Variants in RBFOX1 observed in about 807,000 individuals in gnomAD.
RBFOX1 encodes RNA binding fox-1 homolog 1, also known as RNA binding protein fox-1 homolog 1.
RBFOX1 carries 8 observed loss-of-function variants against 57.7 expected under a neutral mutation model. The observed-to-expected ratio is 0.14, with a 90% CI of 0.08 to 0.25. The LOEUF (loss-of-function observed/expected upper bound fraction) is 0.25. Among genes scored for constraint, RBFOX1 ranks in the 10% least tolerant of loss-of-function variants. The probability of loss-of-function intolerance (pLI) is 1.00; values close to 1 mark genes in which losing one functional copy is unlikely to be tolerated. For missense variants in RBFOX1, 611 were observed against 548.5 expected, an observed-to-expected ratio of 1.11 and a Z score of -1.14; for synonymous variants, 326 against 222.4, an observed-to-expected ratio of 1.47 and a Z score of -4.15.
intron 3 of RBFOX1, among the ~76,000 whole-genome samples, chr16:5,634,277 A>G: frequency 6.6e-6 from 1 of 152,216 alleles, no homozygotes; most frequent in Non-Finnish European, 1.5e-5. Context: ...CGGTAGTGCA[A>G]TCATTTGACT....
At chr16:6,031,889 C>G (rs8054300) in intron 1 of RBFOX1, among the ~76,000 whole-genome samples, 3,975 of 152,268 alleles carry the variant, frequency 0.026, 157 homozygotes, top group African/African-American at 0.091. Context: ...GAGGCAGACC[C>G]CAGCCTTATG....
At chr16:6,276,344 T>C (rs578221176) in intron 1 of RBFOX1, among the ~76,000 whole-genome samples, 2 of 152,038 alleles carry the variant, frequency 1.3e-5, no homozygotes, top group East Asian at 1.9e-4. Context: ...TTGAGAGTCT[T>C]TTTTTTTGTT....
At chr16:6,315,574 TGG>T (rs1430929111) in intron 1 of RBFOX1, among the ~76,000 whole-genome samples, 23 of 72,158 alleles carry the variant, frequency 3.2e-4, no homozygotes, top group Admixed American at 2.8e-3. Flanking sequence ...GATGGATGGA[TGG>T]ATAGATGGAT....
At chr16:5,447,374 A>G (rs1034450643) in intron 1 of RBFOX1, among the ~76,000 whole-genome samples, 3 of 79,156 alleles carry the variant, frequency 3.8e-5, no homozygotes, top group East Asian at 4.1e-4. Context: ...CAATCAATCA[A>G]TCAATCTCTC....
intron 2 of RBFOX1, among the ~76,000 whole-genome samples, chr16:6,637,443 TG>T (rs1432287466): frequency 0.023 from 500 of 21,542 alleles, 35 homozygotes; most frequent in Non-Finnish European, 0.039. Context: ...TATAAATATA[TG>T]TAAATGTATA....
At chr16:6,295,914 C>G (rs2078048468) in intron 1 of RBFOX1, among the ~76,000 whole-genome samples, 1 of 152,180 alleles carries the variant, frequency 6.6e-6, no homozygotes, top group Non-Finnish European at 1.5e-5. Flanking sequence ...ACAAACTAAT[C>G]CAGCAGGACA....
intron 2 of RBFOX1, among the ~76,000 whole-genome samples, chr16:6,359,476 G>T (rs2088003714): frequency 6.6e-6 from 1 of 152,266 alleles, no homozygotes; most frequent in East Asian, 1.9e-4. Context: ...AGGATTTGCA[G>T]TGACTTGTCT....
At chr16:5,669,983 A>G (rs187699662) in intron 3 of RBFOX1, among the ~76,000 whole-genome samples, 1 of 152,238 alleles carries the variant, frequency 6.6e-6, no homozygotes, top group African/African-American at 2.4e-5. Context: ...CTATCCATAC[A>G]GCAGAGTATT....
chr16:5,650,385 C>T (rs974974497), intron 3 of RBFOX1, among the ~76,000 whole-genome samples: 1 of 152,128 alleles, frequency 6.6e-6, no homozygotes, highest in Non-Finnish European at 1.5e-5. Flanking sequence ...CGAGGGCCTC[C>T]TCCATCATCC....
chr16:7,400,659 T>G (rs927923637), intron 4 of RBFOX1, among the ~76,000 whole-genome samples: 4 of 152,174 alleles, frequency 2.6e-5, no homozygotes, highest in African/African-American at 9.7e-5. Context: ...CTTCAGCCAT[T>G]TGGAGGTTTT....
chr16:6,792,391 A>G (rs1419024367), intron 3 of RBFOX1, among the ~76,000 whole-genome samples: 1 of 152,318 alleles, frequency 6.6e-6, no homozygotes, highest in African/African-American at 2.4e-5. Context: ...AGAATTATGC[A>G]TTTTTTGATT....
intron 4 of RBFOX1, among the ~76,000 whole-genome samples, chr16:7,192,771 G>C (rs9935380): frequency 0.19 from 28,848 of 152,112 alleles, 2,970 homozygotes; most frequent in East Asian, 0.38. Flanking sequence ...CAATCTTTCT[G>C]TGAGTCTAAA....
chr16:5,454,744 TTTTTC>T (rs1440857511), intron 1 of RBFOX1, among the ~76,000 whole-genome samples: 1 of 118,654 alleles, frequency 8.4e-6, no homozygotes, highest in Non-Finnish European at 1.8e-5. Context: ...TCTTTCTTTC[TTTTTC>T]TTTTCTTTTC....
chr16:6,822,942 C>T (rs937670569), intron 3 of RBFOX1, among the ~76,000 whole-genome samples: 8 of 152,148 alleles, frequency 5.3e-5, no homozygotes, highest in African/African-American at 1.2e-4. Context: ...GTTCTGATAA[C>T]CATTAGAGTT....
intron 2 of RBFOX1, among the ~76,000 whole-genome samples, chr16:5,591,609 A>G (rs1251626382): frequency 6.6e-6 from 1 of 152,174 alleles, no homozygotes; most frequent in African/African-American, 2.4e-5. Flanking sequence ...ATTTCAGTGG[A>G]TATACTAGAA....
At chr16:6,990,770 G>T (rs879843693) in intron 3 of RBFOX1, among the ~76,000 whole-genome samples, 1 of 152,088 alleles carries the variant, frequency 6.6e-6, no homozygotes, top group African/African-American at 2.4e-5. Context: ...TCCATCTCAG[G>T]ATAGTTCGAG....
At chr16:7,649,338 C>T (rs1032419960) in intron 11 of RBFOX1, among the ~76,000 whole-genome samples, 6 of 152,070 alleles carry the variant, frequency 3.9e-5, no homozygotes, top group Non-Finnish European at 8.8e-5. Context: ...TTTAGGAATG[C>T]TTCTGTTCAC....
chr16:7,399,573 G>A (rs2098203248), intron 4 of RBFOX1, among the ~76,000 whole-genome samples: 1 of 152,182 alleles, frequency 6.6e-6, no homozygotes, highest in Non-Finnish European at 1.5e-5. Context: ...GCCTCTGGTG[G>A]TGTCTGTCAA....
intron 2 of RBFOX1, among the ~76,000 whole-genome samples, chr16:6,362,430 G>C (rs2088739743): frequency 6.6e-6 from 1 of 152,184 alleles, no homozygotes; most frequent in Non-Finnish European, 1.5e-5. Flanking sequence ...TACATGGTCA[G>C]GGGTTCGGAG....
Sources: gnomAD v4.1 joint callset for allele counts (sites outside exome capture counted in the v4.1 genomes callset) on GRCh38, gnomAD v4.1.1 for gene constraint, MANE v1.5 for transcripts, NCBI Gene and HGNC (gene_info 2026-07-23, HGNC 2026-07-21) for gene names.